The following OPCML variants were observed in gnomAD, a reference collection of about 807,000 sequenced individuals.
The protein encoded by OPCML is opioid-binding protein/cell adhesion molecule.
OPCML carries 13 observed loss-of-function variants against 37.8 expected under a neutral mutation model. The observed-to-expected ratio is 0.34, with a 90% CI of 0.22 to 0.55. The LOEUF is 0.55. Ranked by LOEUF, OPCML falls within the 20% of genes least tolerant of loss-of-function variation. OPCML has a pLI of 0.91. For missense variants in OPCML, 341 were observed against 435.6 expected (o/e 0.78, Z 1.93); for synonymous variants, 176 against 168.8 (o/e 1.04, Z -0.33).
At chr11:132,661,923 T>C (rs911046919) in intron 2 of OPCML, among the ~76,000 whole-genome samples, 4 of 152,202 alleles carry the variant, frequency 2.6e-5, no homozygotes, top group Non-Finnish European at 5.9e-5. Context: ...GAAAGCTATC[T>C]GGAAGACACT....
chr11:132,720,155 C>A (rs375257335), intron 2 of OPCML, among the ~76,000 whole-genome samples: 3 of 152,270 alleles, frequency 2.0e-5, no homozygotes, highest in South Asian at 2.1e-4. Flanking sequence ...TTAGCCCATG[C>A]GAGAGAGACT....
chr11:133,274,083 G>A (rs1941925360), intron 1 of OPCML, among the ~76,000 whole-genome samples: 1 of 152,152 alleles, frequency 6.6e-6, no homozygotes, highest in South Asian at 2.1e-4. Context: ...ACTAAGGCGA[G>A]TACACACCTG....
At chr11:133,288,220 G>A (rs1942359471) in intron 1 of OPCML, among the ~76,000 whole-genome samples, 1 of 152,106 alleles carries the variant, frequency 6.6e-6, no homozygotes, top group African/African-American at 2.4e-5. Context: ...CTTTTAAAAG[G>A]CACTGGTCAG....
At chr11:132,504,430 C>T (rs1488740110) in intron 4 of OPCML, among the ~76,000 whole-genome samples, 1 of 152,184 alleles carries the variant, frequency 6.6e-6, no homozygotes, top group Non-Finnish European at 1.5e-5. Context: ...TTTATTATCT[C>T]ACACTATATC....
rs1280242604 is a variant in OPCML at position 132,769,002 on chromosome 11, G to A, written c.147-111683C>T. Among the ~76,000 whole-genome samples the A allele has an allele frequency of 2.0e-5, 3 of 151,960 alleles. No homozygotes were observed. In the East Asian group the frequency reaches 5.8e-4, roughly 29 times the overall value. On this transcript the variant is annotated intron_variant, in intron 2 of 7. Coordinates refer to ENST00000524381, the MANE Select transcript of OPCML (RefSeq NM_001012393.5). The stretch of plus-strand genomic sequence containing the variant: ...AAATGTCAGGTTTATGAACAATTGA[G>A]CCTCTCCTTTCCTGACTGAAATTGC...
intron 2 of OPCML, among the ~76,000 whole-genome samples, chr11:132,935,835 C>T (rs1945350099): frequency 1.3e-5 from 2 of 152,200 alleles, no homozygotes; most frequent in South Asian, 4.1e-4. Flanking sequence ...TTTGGTATCA[C>T]TCATTTCTTC....
At chr11:132,901,648 C>T (rs910203963) in intron 2 of OPCML, among the ~76,000 whole-genome samples, 1 of 152,200 alleles carries the variant, frequency 6.6e-6, no homozygotes, top group Non-Finnish European at 1.5e-5. Context: ...TCCATTTTCC[C>T]CAGGCACCGT....
chr11:133,318,694 C>T (rs1041482934), intron 1 of OPCML, among the ~76,000 whole-genome samples: 2 of 152,112 alleles, frequency 1.3e-5, no homozygotes, highest in African/African-American at 4.8e-5. Context: ...GCATTTAGTG[C>T]AGTAATGAGC....
chr11:133,489,362 G>C (rs1947603766), intron 1 of OPCML, among the ~76,000 whole-genome samples: 1 of 148,552 alleles, frequency 6.7e-6, no homozygotes, highest in South Asian at 2.1e-4. Flanking sequence ...GAATCTACAA[G>C]GAACTCAAAC....
intron 2 of OPCML, among the ~76,000 whole-genome samples, chr11:132,928,531 T>C (rs1267833769): frequency 1.3e-5 from 2 of 152,008 alleles, no homozygotes; most frequent in Non-Finnish European, 2.9e-5. Context: ...TAGGAGACAT[T>C]AGCACTCCAC....
Position 133,206,924 on chromosome 11 carries a change from C to G in OPCML, c.62-263914G>C, listed in dbSNP as rs73027317. 6.6e-6 allele frequency among the ~76,000 whole-genome samples: 1 copy of G among 152,106 alleles called. No individual in the cohort carries two copies. The highest frequency in any genetic ancestry group is 1.5e-5 in the Non-Finnish European group (1 of 68,006). ...TCACCAATGACTGAGAAGCGAGGCCCGGATCACGTAATCCAGATGTTGCTC... is the reference window on the plus strand; with the variant it reads ...TCACCAATGACTGAGAAGCGAGGCCGGGATCACGTAATCCAGATGTTGCTC... On this transcript the variant is annotated intron_variant, in intron 1 of 7. Coordinates refer to ENST00000524381, the MANE Select transcript of OPCML (RefSeq NM_001012393.5). This position sits in a 1 kb window ranked among gnomAD's most constrained non-coding sequence, Gnocchi z 4.7.
At chr11:133,330,695 G>A (rs1302784300) in intron 1 of OPCML, among the ~76,000 whole-genome samples, 1 of 139,630 alleles carries the variant, frequency 7.2e-6, no homozygotes, top group Admixed American at 7.2e-5. Flanking sequence ...GTGGGGTGGG[G>A]GGAGGGCGGA....
At chr11:132,491,203 G>A (rs186625360) in intron 4 of OPCML, among the ~76,000 whole-genome samples, 2 of 152,284 alleles carry the variant, frequency 1.3e-5, no homozygotes, top group East Asian at 1.9e-4. Flanking sequence ...TGCTCATCAC[G>A]GGCCCTGGAG....
At chr11:133,005,476 G>T in intron 1 of OPCML, 1 of 985,330 alleles carries the variant, frequency 1.0e-6, no homozygotes, top group Non-Finnish European at 1.2e-6. Context: ...GTTTTTCTCT[G>T]TAGGGAGGTA....
At chr11:132,681,714 G>C (rs1342592370) in intron 2 of OPCML, among the ~76,000 whole-genome samples, 1 of 152,106 alleles carries the variant, frequency 6.6e-6, no homozygotes, top group Non-Finnish European at 1.5e-5. Context: ...CCAGCACTTT[G>C]GGAGGCCGAG....
chr11:132,632,687 G>T (rs1405270905), intron 3 of OPCML, among the ~76,000 whole-genome samples: 1 of 152,006 alleles, frequency 6.6e-6, no homozygotes, highest in African/African-American at 2.4e-5. Context: ...GCAAGGCGAG[G>T]TAATCACTCT....
At chr11:133,000,488 T>C (rs1946978139) in intron 1 of OPCML, among the ~76,000 whole-genome samples, 1 of 152,186 alleles carries the variant, frequency 6.6e-6, no homozygotes, top group South Asian at 2.1e-4. Flanking sequence ...CCAAGCCAAG[T>C]ACTTAGTAGG....
intron 3 of OPCML, among the ~76,000 whole-genome samples, chr11:132,647,385 G>C (rs1446956020): frequency 6.6e-6 from 1 of 152,088 alleles, no homozygotes; most frequent in Non-Finnish European, 1.5e-5. Flanking sequence ...ATAATATAAG[G>C]GCTGGGGGTA....
chr11:132,584,797 G>T (rs2096469015), intron 3 of OPCML, among the ~76,000 whole-genome samples: 1 of 152,186 alleles, frequency 6.6e-6, no homozygotes, highest in South Asian at 2.1e-4. Context: ...TTGCAAATTG[G>T]CAAGCCCTTA....
Sources: gnomAD v4.1 joint callset for allele counts (sites outside exome capture counted in the v4.1 genomes callset) on GRCh38, gnomAD v4.1.1 for gene constraint, Gnocchi (gnomAD v3.1) non-coding constraint, MANE v1.5 for transcripts, NCBI Gene and HGNC (gene_info 2026-07-23, HGNC 2026-07-21) for gene names.